CNTNAP5: variants seen among roughly 807,000 people sequenced by gnomAD.
CNTNAP5 encodes the protein contactin associated protein family member 5, also known as contactin-associated protein-like 5.
CNTNAP5 carries 72 observed loss-of-function variants against 150.2 expected under a neutral mutation model. The ratio of observed to expected loss-of-function variants is 0.48; its 90% CI spans 0.40 to 0.58. The LOEUF (loss-of-function observed/expected upper bound fraction) is 0.58, where lower values mean the gene tolerates loss of function less well. Among genes scored for constraint, CNTNAP5 ranks in the 20% least tolerant of loss-of-function variants. The pLI, the probability that CNTNAP5 is intolerant of heterozygous loss-of-function variation, is 0.00. For missense variants in CNTNAP5, 1,636 were observed against 1,626.2 expected (o/e 1.01, Z -0.10); for synonymous variants, 672 against 619.8 (o/e 1.08, Z -1.25).
chr2:124,512,992 C>T (rs1300280086), intron 8 of CNTNAP5, among the ~76,000 whole-genome samples: 1 of 152,174 alleles, frequency 6.6e-6, no homozygotes. Context: ...TCTCAAGAAA[C>T]CTTTCCAAGG....
At chr2:124,674,546 T>C (rs6541967) in intron 13 of CNTNAP5, among the ~76,000 whole-genome samples, 25,801 of 129,264 alleles carry the variant, frequency 0.2, 2,981 homozygotes, top group African/African-American at 0.3. Context: ...TTTCTTTCTT[T>C]CTTTCTTCCT....
chr2:124,028,947 A>T (rs893411455), intron 1 of CNTNAP5, among the ~76,000 whole-genome samples: 14 of 152,302 alleles, frequency 9.2e-5, no homozygotes, highest in Admixed American at 7.2e-4. Context: ...TAAAATGTGC[A>T]TTCAGAAGAT....
intron 6 of CNTNAP5, among the ~76,000 whole-genome samples, chr2:124,468,042 G>C (rs1693421042): frequency 6.6e-6 from 1 of 152,100 alleles, no homozygotes; most frequent in African/African-American, 2.4e-5. Flanking sequence ...CGTCAAGGGA[G>C]TCATGCCATT....
intron 2 of CNTNAP5, among the ~76,000 whole-genome samples, chr2:124,230,722 G>C (rs1342627652): frequency 1.3e-5 from 2 of 151,918 alleles, no homozygotes; most frequent in Non-Finnish European, 2.9e-5. Flanking sequence ...AGTAGAGACA[G>C]GGTTTCACCA....
At chr2:124,612,569 A>G (rs1184401276) in intron 12 of CNTNAP5, among the ~76,000 whole-genome samples, 1 of 152,076 alleles carries the variant, frequency 6.6e-6, no homozygotes, top group Non-Finnish European at 1.5e-5. Flanking sequence ...GCTAAAGGTG[A>G]GTGTGTACTT....
chr2:124,805,546 T>A (rs1270336882), intron 19 of CNTNAP5, among the ~76,000 whole-genome samples: 1 of 152,144 alleles, frequency 6.6e-6, no homozygotes, highest in Non-Finnish European at 1.5e-5. Context: ...CAATAGCAGC[T>A]TCTAAGTCAG....
At chr2:124,652,613 C>G (rs971379255) in intron 13 of CNTNAP5, among the ~76,000 whole-genome samples, 2 of 152,208 alleles carry the variant, frequency 1.3e-5, no homozygotes, top group African/African-American at 4.8e-5. Context: ...CCATAACTTT[C>G]CCCTGGAAGG....
chr2:124,721,440 C>T (rs932131365), intron 13 of CNTNAP5, among the ~76,000 whole-genome samples: 1 of 151,300 alleles, frequency 6.6e-6, no homozygotes, highest in Non-Finnish European at 1.5e-5. Flanking sequence ...CAAGATCATG[C>T]CACTGCACTC....
At chr2:124,400,115 T>TG (rs1691367597) in intron 3 of CNTNAP5, among the ~76,000 whole-genome samples, 1 of 63,662 alleles carries the variant, frequency 1.6e-5, no homozygotes. Flanking sequence ...GGGCTTATAA[T>TG]GAAAAAAAAA....
intron 19 of CNTNAP5, among the ~76,000 whole-genome samples, chr2:124,839,596 T>A (rs528196067): frequency 6.6e-6 from 1 of 152,116 alleles, no homozygotes; most frequent in Non-Finnish European, 1.5e-5. Flanking sequence ...CATCCCTTCA[T>A]TGAGAGCTGC....
chr2:124,799,653 T>C (rs1472251202), intron 19 of CNTNAP5, among the ~76,000 whole-genome samples: 1 of 152,224 alleles, frequency 6.6e-6, no homozygotes, highest in African/African-American at 2.4e-5. Context: ...ATTATTATCT[T>C]GCTTTATTTT....
At chr2:124,552,378 G>A (rs532886268) in intron 10 of CNTNAP5, among the ~76,000 whole-genome samples, 2 of 152,284 alleles carry the variant, frequency 1.3e-5, no homozygotes, top group African/African-American at 2.4e-5. Context: ...GACAGGCCTG[G>A]CATCTCATGG....
At chr2:124,095,585 A>T (rs1158294259) in intron 1 of CNTNAP5, among the ~76,000 whole-genome samples, 3 of 152,160 alleles carry the variant, frequency 2.0e-5, no homozygotes, top group Non-Finnish European at 4.4e-5. Flanking sequence ...GGAAGGCTGG[A>T]AGCTAACCCT....
At chr2:124,726,878 T>C (rs1285421637) in intron 13 of CNTNAP5, among the ~76,000 whole-genome samples, 2 of 152,072 alleles carry the variant, frequency 1.3e-5, no homozygotes, top group African/African-American at 4.8e-5. Context: ...TTGTTGTCTG[T>C]GCTTTTGGGG....
intron 7 of CNTNAP5, among the ~76,000 whole-genome samples, chr2:124,486,318 G>T (rs77502210): frequency 6.6e-6 from 1 of 152,158 alleles, no homozygotes; most frequent in African/African-American, 2.4e-5. Context: ...TGGCTGGAGG[G>T]TGAGGGATAA....
At chr2:124,460,014 C>T (rs1171741155) in intron 6 of CNTNAP5, among the ~76,000 whole-genome samples, 1 of 152,110 alleles carries the variant, frequency 6.6e-6, no homozygotes, top group African/African-American at 2.4e-5. Context: ...TGACAAACCT[C>T]TATGAAAGTG....
At position 124,865,410 on chromosome 2, in the gene CNTNAP5, C is replaced by A. The variant is rs376033117; in HGVS notation, c.3322C>A (p.Arg1108=). 4.5e-6 allele frequency: 7 copies of A among 1,551,986 alleles called. No individual in the cohort carries two copies. Among genetic ancestry groups the A allele is most frequent in the Non-Finnish European group, 6.1e-6 (7 of 1,147,022 alleles). The change falls in exon 20 of 24, where the codon CGA becomes AGA. Residue 1108 remains arginine, a synonymous_variant. Coordinates refer to ENST00000682447, the MANE Select transcript of CNTNAP5 (RefSeq NM_001367498.1). ...NRRMHHLKIN[R]EGRELTIQMD... is the part of the protein sequence containing the mutation. ...AAGGATGCACCACTTGAAGATTAAC[C>A]GAGAGGGAAGAGAGCTTACCATTCA...
rs970751302 is a variant in CNTNAP5, at chr2:124,524,370, C to T, written c.1395C>T (p.Leu465=). ...SINARRNRIT[L]TLDDEAAPPA... ...ACGCCAGGAGGAACCGCATCACGCT[C>T]ACTCTGGATGATGAAGCAGCACCCC... Residue 465 remains leucine (L), a synonymous_variant, in exon 9 of 24, where the codon CTC becomes CTT. Transcript: ENST00000682447. 1.9e-5 allele frequency: 31 copies of T among 1,613,858 alleles called. No homozygotes were observed. Among genetic ancestry groups the T allele is most frequent in the Non-Finnish European group, 2.6e-5 (31 of 1,179,818 alleles).
At position 124,139,627 on chromosome 2, in the gene CNTNAP5, G is replaced by C. The variant is rs149757169; in HGVS notation, c.83-82078G>C. Among the ~76,000 whole-genome samples, 492 of 152,284 alleles carry C rather than the reference G, an allele frequency of 3.2e-3. 2 individuals carry two copies. Among genetic ancestry groups the C allele is most frequent in the African/African-American group, 0.011 (450 of 41,548 alleles). On this transcript the variant is annotated intron_variant, in intron 1 of 23. Coordinates refer to ENST00000682447, the MANE Select transcript of CNTNAP5 (RefSeq NM_001367498.1). ...TGTGCAGTGGTCTCCAGAGACCGGC[G>C]AAGGAGACTCTGATCTGTAATTATA...
Sources: allele counts gnomAD v4.1 joint callset (sites outside exome capture counted in the v4.1 genomes callset), GRCh38; gene constraint gnomAD v4.1.1; transcripts MANE v1.5; gene names NCBI Gene and HGNC (gene_info 2026-07-23, HGNC 2026-07-21).